Variants in GALNT13 observed in about 807,000 individuals in gnomAD.
The protein encoded by GALNT13 is polypeptide N-acetylgalactosaminyltransferase 13, also known as UDP-GalNAc:polypeptide N-acetylgalactosaminyltransferase 13.
A neutral mutation model predicts 64.2 loss-of-function variants in GALNT13; 28 were observed. The ratio of observed to expected loss-of-function variants is 0.44; its 90% CI spans 0.32 to 0.60. The LOEUF (loss-of-function observed/expected upper bound fraction) is 0.60. Among genes scored for constraint, GALNT13 ranks in the 20% least tolerant of loss-of-function variants. The pLI is 0.05. For synonymous variants in GALNT13, 214 were observed against 224.6 expected (o/e 0.95, Z 0.42); for missense variants, 577 against 669.8 (o/e 0.86, Z 1.53).
the GALNT13 span, among the ~76,000 whole-genome samples, chr2:153,508,104 C>A: frequency 6.6e-6 from 1 of 152,136 alleles, no homozygotes; most frequent in African/African-American, 2.4e-5. Context: ...TGTGAGGGTC[C>A]TTGGTTGTGT....
At chr2:154,286,881 G>A in intron 8 of GALNT13, 1 of 426,504 alleles carries the variant, frequency 2.3e-6, no homozygotes, top group Non-Finnish European at 4.5e-6. Flanking sequence ...TCCTCTTCTG[G>A]CCTGTTGCTA....
intron 2 of GALNT13, among the ~76,000 whole-genome samples, chr2:153,931,066 AGTGTGTGTGT>A (rs59409947): frequency 4.5e-4 from 62 of 138,288 alleles, no homozygotes; most frequent in South Asian, 3.4e-3. Flanking sequence ...TGTATTCCTA[AGTGTGTGTGT>A]GTGTGTGTGT....
At chr2:153,519,471 C>T in the GALNT13 span, among the ~76,000 whole-genome samples, 1 of 152,138 alleles carries the variant, frequency 6.6e-6, no homozygotes, top group Non-Finnish European at 1.5e-5. Context: ...GATTGCAGCG[C>T]CACCTGCTGG....
At chr2:153,114,169 C>T in the GALNT13 span, among the ~76,000 whole-genome samples, 2 of 152,062 alleles carry the variant, frequency 1.3e-5, no homozygotes, top group African/African-American at 4.8e-5. Context: ...TGATGCTTGA[C>T]CTGCCTCACC....
chr2:153,278,836 T>C, the GALNT13 span, among the ~76,000 whole-genome samples: 1 of 152,148 alleles, frequency 6.6e-6, no homozygotes. Context: ...TTGACTATTC[T>C]GTCTCCTTTT....
chr2:153,801,807 TAAAC>T, the GALNT13 span, among the ~76,000 whole-genome samples: 3 of 152,186 alleles, frequency 2.0e-5, no homozygotes, highest in Non-Finnish European at 2.9e-5. Context: ...AAAAGCATAA[TAAAC>T]AAAGGTATGC....
At chr2:153,869,876 C>T (rs1250805476), upstream of GALNT13, among the ~76,000 whole-genome samples, 1 of 152,094 alleles carries the variant, frequency 6.6e-6, no homozygotes, top group East Asian at 1.9e-4. Context: ...AAATGTACGT[C>T]CACAGAATCT....
At chr2:153,448,839 A>T in the GALNT13 span, among the ~76,000 whole-genome samples, 2 of 152,204 alleles carry the variant, frequency 1.3e-5, no homozygotes, top group African/African-American at 4.8e-5. Context: ...TCATATGTTG[A>T]AGCCCTAACC....
In GALNT13 at chr2:154,451,105, G is replaced by A. The variant is rs707081; in HGVS notation, c.*554G>A. ...ACATTACATTGGATATTGAATTCAT[G>A]GAGCCTTTACAGAAGCATCACATTT... On this transcript the variant is annotated 3_prime_UTR_variant, in exon 13 of 13. Transcript: ENST00000392825. 44,823 of 151,964 alleles carry A rather than the reference G, an allele frequency of 0.29. 6,806 individuals are homozygous for A. The highest frequency in any genetic ancestry group is 0.52 in the East Asian group (2,671 of 5,136). The allele number at this position is 151,964 out of a possible 1,614,324, so 9.4% of individuals were successfully genotyped here.
the GALNT13 span, among the ~76,000 whole-genome samples, chr2:153,744,571 C>A: frequency 6.6e-6 from 1 of 152,114 alleles, no homozygotes; most frequent in African/African-American, 2.4e-5. Context: ...CTTTTCCTCT[C>A]TCTTAGCTCC....
At chr2:154,428,412 T>G (rs114026705) in intron 11 of GALNT13, among the ~76,000 whole-genome samples, 1 of 152,168 alleles carries the variant, frequency 6.6e-6, no homozygotes, top group African/African-American at 2.4e-5. Flanking sequence ...TATTTTATAA[T>G]TTAAATGTAG....
At chr2:154,203,234 G>A (rs991967129) in intron 4 of GALNT13, among the ~76,000 whole-genome samples, 3 of 151,990 alleles carry the variant, frequency 2.0e-5, no homozygotes, top group Non-Finnish European at 4.4e-5. Context: ...GAAAATTATG[G>A]GAGAATAAAT....
At chr2:153,152,079 G>A in the GALNT13 span, among the ~76,000 whole-genome samples, 36 of 152,068 alleles carry the variant, frequency 2.4e-4, no homozygotes, top group Admixed American at 8.5e-4. Flanking sequence ...TCTGCTTTCT[G>A]GGGAGAGCTA....
At chr2:154,409,709 C>A (rs1048215509) in intron 11 of GALNT13, among the ~76,000 whole-genome samples, 1 of 151,856 alleles carries the variant, frequency 6.6e-6, no homozygotes, top group African/African-American at 2.4e-5. Context: ...TTTGGAGTTC[C>A]TGGGAACTAT....
At chr2:153,116,817 T>TTG in the GALNT13 span, among the ~76,000 whole-genome samples, 1 of 146,776 alleles carries the variant, frequency 6.8e-6, no homozygotes, top group Non-Finnish European at 1.5e-5. Flanking sequence ...TTTTTTTTTT[T>TTG]GAGATGGAGT....
At chr2:153,637,862 C>T in the GALNT13 span, among the ~76,000 whole-genome samples, 7 of 151,790 alleles carry the variant, frequency 4.6e-5, no homozygotes, top group Non-Finnish European at 8.8e-5. Context: ...TCATTCAATA[C>T]GAATTGGGCA....
At chr2:153,487,703 C>G in the GALNT13 span, among the ~76,000 whole-genome samples, 1 of 152,194 alleles carries the variant, frequency 6.6e-6, no homozygotes, top group Non-Finnish European at 1.5e-5. Flanking sequence ...TAGGAGACAG[C>G]TAGCCAGGCG....
At chr2:153,813,169 C>G in the GALNT13 span, among the ~76,000 whole-genome samples, 91 of 152,194 alleles carry the variant, frequency 6.0e-4, no homozygotes, top group African/African-American at 2.1e-3. Flanking sequence ...GATTCAGAGT[C>G]TAAGTATACA....
chr2:153,255,145 G>A, the GALNT13 span, among the ~76,000 whole-genome samples: 31 of 151,408 alleles, frequency 2.0e-4, no homozygotes, highest in African/African-American at 7.5e-4. Context: ...TTATGAATCT[G>A]GGTGCTCCTG....
Sources: gnomAD v4.1 joint callset for allele counts (sites outside exome capture counted in the v4.1 genomes callset) on GRCh38, gnomAD v4.1.1 for gene constraint, MANE v1.5 for transcripts, NCBI Gene and HGNC (gene_info 2026-07-23, HGNC 2026-07-21) for gene names.